Variants in KALRN observed in about 807,000 individuals in gnomAD.
KALRN encodes the protein kalirin.
In KALRN, 70 loss-of-function variants were observed where a neutral mutation model predicts 353.7. The observed-to-expected ratio is 0.20, with a 90% CI of 0.16 to 0.24. KALRN has a LOEUF of 0.24. Among genes scored for constraint, KALRN ranks in the 10% least tolerant of loss-of-function variants. The pLI is 1.00. For missense variants in KALRN, 2,791 were observed against 3,756.7 expected (o/e 0.74, Z 6.72); for synonymous variants, 1,391 against 1,434.8 (o/e 0.97, Z 0.69).
chr3:124,607,951 A>G (rs1435251442), intron 34 of KALRN, among the ~76,000 whole-genome samples: 2 of 150,954 alleles, frequency 1.3e-5, no homozygotes, highest in Non-Finnish European at 3.0e-5. Context: ...CTTTTTTTCC[A>G]CTGAATGTTA....
intron 7 of KALRN, among the ~76,000 whole-genome samples, chr3:124,328,264 A>C (rs1217903119): frequency 6.6e-6 from 1 of 152,208 alleles, no homozygotes. Context: ...TCTTAGGGCC[A>C]TGAGAATATT....
chr3:124,084,258 T>A (rs1413468397), intron 1 of KALRN, among the ~76,000 whole-genome samples: 1 of 152,196 alleles, frequency 6.6e-6, no homozygotes, highest in Non-Finnish European at 1.5e-5. Context: ...TCCTTCCAGT[T>A]TGTAAATGGT....
At chr3:124,283,761 G>A (rs1228767289) in intron 5 of KALRN, among the ~76,000 whole-genome samples, 1 of 152,170 alleles carries the variant, frequency 6.6e-6, no homozygotes, top group African/African-American at 2.4e-5. Context: ...GGCCTTTTAA[G>A]GCTTAGCATT....
chr3:124,553,340 A>G (rs1438642675), intron 33 of KALRN, among the ~76,000 whole-genome samples: 1 of 152,226 alleles, frequency 6.6e-6, no homozygotes, highest in Non-Finnish European at 1.5e-5. Context: ...AGACAGATTC[A>G]AACCTAAGCA....
intron 33 of KALRN, among the ~76,000 whole-genome samples, chr3:124,515,707 A>G (rs2066461262): frequency 6.6e-6 from 1 of 152,234 alleles, no homozygotes. Flanking sequence ...AATTACTGGC[A>G]TTTCAAAAAA....
intron 2 of KALRN, among the ~76,000 whole-genome samples, chr3:124,233,256 A>G (rs1044400838): frequency 1.3e-5 from 2 of 152,204 alleles, no homozygotes; most frequent in Admixed American, 6.5e-5. Flanking sequence ...GGGTGAGGTC[A>G]AGGATAGAGG....
At chr3:124,651,382 T>C (rs1467048516) in intron 38 of KALRN, among the ~76,000 whole-genome samples, 1 of 152,192 alleles carries the variant, frequency 6.6e-6, no homozygotes, top group East Asian at 1.9e-4. Context: ...ACCAAGCAGG[T>C]CCTGTCTCTA....
At chr3:124,150,321 G>A (rs1011114025) in intron 1 of KALRN, among the ~76,000 whole-genome samples, 4 of 152,080 alleles carry the variant, frequency 2.6e-5, no homozygotes, top group African/African-American at 9.7e-5. Flanking sequence ...TTTTGAAAGT[G>A]GGACATAGAT....
chr3:124,295,745 A>G (rs1275084586), intron 5 of KALRN, among the ~76,000 whole-genome samples: 3 of 152,228 alleles, frequency 2.0e-5, no homozygotes, highest in African/African-American at 7.2e-5. Flanking sequence ...TCTTTTGTCA[A>G]TAAAGAAAAG....
intron 34 of KALRN, among the ~76,000 whole-genome samples, chr3:124,600,344 T>C (rs1436011431): frequency 6.6e-6 from 1 of 152,250 alleles, no homozygotes; most frequent in Non-Finnish European, 1.5e-5. Flanking sequence ...AAGTCACAGA[T>C]CCTTGGTTTA....
chr3:124,420,641 C>A (rs1473075717), intron 14 of KALRN, among the ~76,000 whole-genome samples: 1 of 152,070 alleles, frequency 6.6e-6, no homozygotes, highest in African/African-American at 2.4e-5. Flanking sequence ...ACAGATATTT[C>A]AGGAGCTAGG....
At chr3:124,663,226 C>T (rs563637100) in intron 45 of KALRN, among the ~76,000 whole-genome samples, 2 of 152,320 alleles carry the variant, frequency 1.3e-5, no homozygotes, top group South Asian at 2.1e-4. Context: ...GGATTATAGG[C>T]GTGAGCCACC....
chr3:124,633,943 A>G lies in KALRN; in HGVS notation c.5558A>G (p.Gln1853Arg). The change falls in exon 36 of 60, where the codon CAG becomes CGG. Residue 1853 changes from glutamine to arginine, a missense_variant. Transcript: ENST00000682506. ...PMKIFDNDPT[Q>R]DEMSSSLLAA... ...AAGATTTTTGACAACGACCCTACACAGGATGAAATGGTAGAACTTCTTTAC... is the reference window on the plus strand; with the variant it reads ...AAGATTTTTGACAACGACCCTACACGGGATGAAATGGTAGAACTTCTTTAC... 2 of 1,613,482 alleles carry G rather than the reference A, an allele frequency of 1.2e-6. No homozygotes were observed. The highest frequency in any genetic ancestry group is 1.1e-5 in the South Asian group (1 of 90,998).
At chr3:124,449,333 C>T (rs887717662) in intron 21 of KALRN, among the ~76,000 whole-genome samples, 2 of 151,796 alleles carry the variant, frequency 1.3e-5, no homozygotes, top group African/African-American at 4.8e-5. Flanking sequence ...TAAAAGCTCA[C>T]AAATACAAGA....
chr3:124,374,589 G>A (rs780101351), intron 10 of KALRN, among the ~76,000 whole-genome samples: 9 of 152,140 alleles, frequency 5.9e-5, no homozygotes, highest in South Asian at 2.1e-4. Flanking sequence ...ACCTTTCCAC[G>A]TCAGGAACAG....
At chr3:124,666,731 C>T (rs1317655538) in intron 46 of KALRN, 97 bp downstream of exon 46, 3 of 973,380 alleles carry the variant, frequency 3.1e-6, no homozygotes, top group Non-Finnish European at 4.7e-6. Flanking sequence ...ACATCCAGAA[C>T]CGTGAAGATC....
intron 38 of KALRN, among the ~76,000 whole-genome samples, chr3:124,652,825 C>G (rs1559773901): frequency 6.6e-6 from 1 of 152,136 alleles, no homozygotes; most frequent in Non-Finnish European, 1.5e-5. Context: ...GATCCGCCAG[C>G]CTCAGCCTCC....
At chr3:124,155,981 C>G (rs2068925192) in intron 1 of KALRN, among the ~76,000 whole-genome samples, 1 of 152,204 alleles carries the variant, frequency 6.6e-6, no homozygotes, top group Non-Finnish European at 1.5e-5. Context: ...GTCTGGGATG[C>G]TGATAAGACA....
chr3:124,358,289 A>G (rs2083640326), intron 10 of KALRN, among the ~76,000 whole-genome samples: 6 of 152,214 alleles, frequency 3.9e-5, no homozygotes, highest in Admixed American at 3.9e-4. Flanking sequence ...CTAATTTTCC[A>G]TGATTTATCC....
Sources: allele counts gnomAD v4.1 joint callset (sites outside exome capture counted in the v4.1 genomes callset), GRCh38; gene constraint gnomAD v4.1.1; transcripts MANE v1.5; gene names NCBI Gene and HGNC (gene_info 2026-07-23, HGNC 2026-07-21).